Variants in SH3KBP1 observed in about 807,000 individuals in gnomAD.
SH3KBP1 encodes the protein SH3 domain-containing kinase-binding protein 1.
SH3KBP1 carries 8 observed loss-of-function variants against 50.1 expected under a neutral mutation model. The ratio of observed to expected loss-of-function variants is 0.16; its 90% confidence interval spans 0.09 to 0.29. The LOEUF is 0.29. SH3KBP1 is among the 10% of genes least tolerant of loss of function. The pLI is 1.00. For synonymous variants in SH3KBP1, 227 were observed against 218.6 expected, an observed-to-expected ratio of 1.04 and a Z score of -0.34; for missense variants, 377 against 535.2, an observed-to-expected ratio of 0.70 and a Z score of 2.92.
chrX:19,668,203 G>A (rs898796681), intron 6 of SH3KBP1, among the ~76,000 whole-genome samples: 1 of 110,291 alleles, frequency 9.1e-6, no homozygotes, highest in Non-Finnish European at 1.9e-5. Flanking sequence ...GCATATTCAG[G>A]CTCAAAAAAA....
At chrX:19,561,622 C>T (rs1425830988) in intron 13 of SH3KBP1, among the ~76,000 whole-genome samples, 4 of 111,173 alleles carry the variant, frequency 3.6e-5, no homozygotes, top group African/African-American at 1.3e-4. Context: ...AGAACTGGCA[C>T]GTGTCTGCGC....
intron 1 of SH3KBP1, among the ~76,000 whole-genome samples, chrX:19,866,264 T>C (rs189582822): frequency 1.3e-3 from 144 of 111,553 alleles, no homozygotes; most frequent in Middle Eastern, 9.2e-3. Flanking sequence ...AAGGAGAAGA[T>C]TTCTTCTATG....
intron 12 of SH3KBP1, among the ~76,000 whole-genome samples, chrX:19,584,280 T>C (rs376552507): frequency 2.2e-5 from 2 of 90,664 alleles, no homozygotes; most frequent in Admixed American, 1.4e-4. Flanking sequence ...TATATATATA[T>C]AAATATATTT....
chrX:19,834,323 TC>T (rs2067998346), intron 2 of SH3KBP1, among the ~76,000 whole-genome samples: 1 of 111,750 alleles, frequency 8.9e-6, no homozygotes, highest in Admixed American at 9.5e-5. Context: ...ACTACCTGCC[TC>T]CCTGTATCCA....
chrX:19,594,867 C>G, intron 10 of SH3KBP1, 82 bp downstream of exon 10: 1 of 769,478 alleles, frequency 1.3e-6, no homozygotes, highest in East Asian at 3.2e-5. Flanking sequence ...CCAGGAATCC[C>G]GAACTCTACA....
chrX:19,775,669 C>CACCAT (rs1479196287), intron 2 of SH3KBP1, among the ~76,000 whole-genome samples: 1 of 111,600 alleles, frequency 9.0e-6, no homozygotes, highest in East Asian at 2.8e-4. Context: ...AGGCCCTGGA[C>CACCAT]ACCATCATCC....
intron 2 of SH3KBP1, among the ~76,000 whole-genome samples, chrX:19,776,532 GTTTTTTT>G (rs72090569): frequency 1.2e-4 from 3 of 25,681 alleles, no homozygotes; most frequent in African/African-American, 3.4e-4. Flanking sequence ...TGACAACCTG[GTTTTTTT>G]TTTTTTTTTT....
rs143602368 is a variant in SH3KBP1 at position 19,569,715 on chromosome X, C to A, written c.1299-527G>T. ...CTGAATGCTGGTGCTGGGGCTCAGG[C>A]CTGTAACATTAGACGGCTCCTGGAT... On this transcript the variant is annotated intron_variant, in intron 12 of 17. Transcript: ENST00000397821. Among the ~76,000 whole-genome samples the A allele has an allele frequency of 4.1e-3, 460 of 111,745 alleles. 4 individuals carry two copies. Among genetic ancestry groups the A allele is most frequent in the African/African-American group, 0.014 (442 of 30,752 alleles).
chrX:19,550,986 T>C (rs1048596061), intron 13 of SH3KBP1, among the ~76,000 whole-genome samples: 2 of 111,242 alleles, frequency 1.8e-5, no homozygotes, highest in Non-Finnish European at 3.8e-5. Context: ...ACAGAGAAGT[T>C]AAAAAAAATG....
At chrX:19,581,232 T>G (rs771256403) in intron 12 of SH3KBP1, among the ~76,000 whole-genome samples, 2 of 112,331 alleles carry the variant, frequency 1.8e-5, no homozygotes, top group African/African-American at 6.5e-5. Flanking sequence ...TGTGAGCCAC[T>G]GCACCAAGCC....
At chrX:19,880,812 G>A (rs757005960) in intron 1 of SH3KBP1, among the ~76,000 whole-genome samples, 44 of 111,461 alleles carry the variant, frequency 3.9e-4, no homozygotes, top group Non-Finnish European at 4.5e-4. Context: ...CAGGTGGCTC[G>A]GTGAAAGATA....
intron 6 of SH3KBP1, among the ~76,000 whole-genome samples, chrX:19,667,957 C>G (rs2062648879): frequency 9.2e-6 from 1 of 108,601 alleles, no homozygotes; most frequent in Admixed American, 1.0e-4. Flanking sequence ...GAAGAAACAA[C>G]GATGGATTTA....
At chrX:19,611,968 A>C (rs1453230828) in intron 8 of SH3KBP1, among the ~76,000 whole-genome samples, 2 of 108,291 alleles carry the variant, frequency 1.8e-5, no homozygotes, top group African/African-American at 6.7e-5. Flanking sequence ...AAAAAAAAAA[A>C]AAAAAAAAAA....
intron 6 of SH3KBP1, among the ~76,000 whole-genome samples, chrX:19,669,486 G>T (rs938255879): frequency 1.8e-5 from 2 of 110,353 alleles, no homozygotes; most frequent in Non-Finnish European, 3.8e-5. Flanking sequence ...CCCCCCAGGG[G>T]CTACCATTCC....
At chrX:19,668,213 A>C (rs1479484277) in intron 6 of SH3KBP1, among the ~76,000 whole-genome samples, 1 of 110,936 alleles carries the variant, frequency 9.0e-6, no homozygotes. Context: ...GCTCAAAAAA[A>C]AGTCTGGAAG....
chrX:19,884,394 C>T (rs1364126457), intron 1 of SH3KBP1, among the ~76,000 whole-genome samples: 1 of 112,504 alleles, frequency 8.9e-6, no homozygotes, highest in Non-Finnish European at 1.9e-5. Flanking sequence ...AAAACAACTA[C>T]AAACTCAAGA....
intron 5 of SH3KBP1, among the ~76,000 whole-genome samples, chrX:19,692,754 C>T (rs909779983): frequency 1.9e-5 from 2 of 103,620 alleles, no homozygotes; most frequent in Non-Finnish European, 3.9e-5. Context: ...GTGATCATGG[C>T]TCACTGCAAC....
intron 8 of SH3KBP1, among the ~76,000 whole-genome samples, chrX:19,617,124 C>A (rs1167110334): frequency 8.9e-6 from 1 of 112,463 alleles, no homozygotes; most frequent in East Asian, 2.8e-4. Flanking sequence ...GAGTCTGCTA[C>A]TCTTTGTTTG....
At chrX:19,539,091 G>A (rs180696879) in intron 16 of SH3KBP1, among the ~76,000 whole-genome samples, 5 of 111,884 alleles carry the variant, frequency 4.5e-5, no homozygotes, top group Non-Finnish European at 7.5e-5. Flanking sequence ...AAATAATGAA[G>A]TGCACAGCAC....
Sources: gnomAD v4.1 joint callset for allele counts (sites outside exome capture counted in the v4.1 genomes callset) on GRCh38, gnomAD v4.1.1 for gene constraint, MANE v1.5 for transcripts, NCBI Gene and HGNC (gene_info 2026-07-23, HGNC 2026-07-21) for gene names.